COL15A1: variants seen among roughly 807,000 people sequenced by gnomAD.
COL15A1 encodes collagen type XV alpha 1 chain.
In COL15A1, 111 loss-of-function variants were observed where a neutral mutation model predicts 165.9. The ratio of observed to expected loss-of-function variants is 0.67; its 90% CI spans 0.57 to 0.78. The LOEUF (loss-of-function observed/expected upper bound fraction) is 0.78. Ranked by LOEUF, COL15A1 falls within the 30% of genes least tolerant of loss-of-function variation. The pLI is 0.00. For synonymous variants in COL15A1, 659 were observed against 674.8 expected, an observed-to-expected ratio of 0.98 and a Z score of 0.36; for missense variants, 1,745 against 1,789.7, an observed-to-expected ratio of 0.98 and a Z score of 0.45.
At chr9:99,001,599 C>A (rs550756624) in intron 7 of COL15A1, among the ~76,000 whole-genome samples, 1 of 152,254 alleles carries the variant, frequency 6.6e-6, no homozygotes, top group Admixed American at 6.5e-5. Context: ...CAGTTTCCCC[C>A]CTTCTATACT....
chr9:98,947,593 G>A (rs1837606245), intron 2 of COL15A1, among the ~76,000 whole-genome samples: 1 of 152,206 alleles, frequency 6.6e-6, no homozygotes, highest in Admixed American at 6.5e-5. Flanking sequence ...ATCTGGTGGG[G>A]CTTCAAGGTG....
At chr9:98,992,490 C>G (rs917433071) in intron 5 of COL15A1, among the ~76,000 whole-genome samples, 3 of 152,212 alleles carry the variant, frequency 2.0e-5, no homozygotes, top group Non-Finnish European at 2.9e-5. Context: ...ACGTCTCTCT[C>G]CACACCTCCC....
rs1838313756 is a variant in COL15A1, at chr9:98,986,381, A to G, written c.648+269A>G. Reference sequence around the variant, plus strand: ...TCTGTAAGTGGAGATAAGAAAACCTACCCCACAGTCTTGTAGGTCAAATAA... The same window carrying G: ...TCTGTAAGTGGAGATAAGAAAACCTGCCCCACAGTCTTGTAGGTCAAATAA... On this transcript the variant is annotated intron_variant, in intron 3 of 41. Coordinates refer to ENST00000375001, the MANE Select transcript of COL15A1 (RefSeq NM_001855.5). 7.5e-6 allele frequency: 3 copies of G among 401,526 alleles called. No individual in the cohort carries two copies. In the South Asian group the frequency reaches 1.1e-4, roughly 14 times the overall value. 24.9% of individuals were successfully genotyped at this position (401,526 alleles called of 1,614,324 possible).
chr9:99,005,754 A>G (rs62561248), intron 9 of COL15A1, among the ~76,000 whole-genome samples: 9,373 of 152,080 alleles, frequency 0.062, 389 homozygotes, highest in Non-Finnish European at 0.087. Flanking sequence ...TCCTCCTCCA[A>G]TGCTGGCCCC....
intron 2 of COL15A1, among the ~76,000 whole-genome samples, chr9:98,973,757 C>T (rs947302522): frequency 6.6e-6 from 1 of 152,330 alleles, no homozygotes; most frequent in East Asian, 1.9e-4. Context: ...GGGTTTGTCC[C>T]GGCCCCTGTT....
chr9:99,047,790 C>G lies in COL15A1; in HGVS notation c.2684C>G (p.Pro895Arg), dbSNP rs768401058. 6.2e-7 allele frequency: 1 copy of G among 1,614,074 alleles called. No individual in the cohort carries two copies. The highest frequency in any genetic ancestry group is 8.5e-7 in the Non-Finnish European group (1 of 1,179,992). ...GMHGAPGPMGPKGPPGHKGEF... is the reference protein window; with the variant it reads ...GMHGAPGPMGRKGPPGHKGEF... The stretch of plus-strand genomic sequence containing the variant: ...TGGCATTTGTTTTGCCTCTAGGGGC[C>G]CAAAGGACCACCAGGACATAAAGGA... Residue 895 changes from proline (P) to arginine (R), a missense_variant, in exon 27 of 42, where the codon CCC becomes CGC. Physicochemically the swap from Pro to Arg is moderately radical, Grantham distance 103. Coordinates refer to ENST00000375001, the MANE Select transcript of COL15A1 (RefSeq NM_001855.5).
chr9:98,990,138 C>T (rs977262480), intron 5 of COL15A1, among the ~76,000 whole-genome samples: 1 of 152,210 alleles, frequency 6.6e-6, no homozygotes, highest in African/African-American at 2.4e-5. Flanking sequence ...CAGAATAGAA[C>T]TAGACTCTGT....
intron 2 of COL15A1, among the ~76,000 whole-genome samples, chr9:98,954,410 A>G (rs1393892804): frequency 6.6e-6 from 1 of 152,202 alleles, no homozygotes; most frequent in Non-Finnish European, 1.5e-5. Flanking sequence ...ATATGAACAG[A>G]ACATTCTGTA....
At chr9:98,944,135 C>G in intron 1 of COL15A1, 27 bp from the exon 2 acceptor site, 1 of 1,614,152 alleles carries the variant, frequency 6.2e-7, no homozygotes, top group Non-Finnish European at 8.5e-7. Context: ...CCCGCCTCAC[C>G]TTTTCTCCCT....
intron 9 of COL15A1, among the ~76,000 whole-genome samples, chr9:99,007,089 T>C (rs1270988512): frequency 6.6e-6 from 1 of 152,168 alleles, no homozygotes; most frequent in Non-Finnish European, 1.5e-5. Context: ...CAACTCAAAG[T>C]AGGGAGGGGG....
At chr9:99,058,637 T>C (rs548827087) in intron 35 of COL15A1, among the ~76,000 whole-genome samples, 19 of 152,358 alleles carry the variant, frequency 1.2e-4, no homozygotes, top group African/African-American at 4.6e-4. Flanking sequence ...AACACTTTCA[T>C]GGCCATTATC....
chr9:99,027,321 T>A (rs1217817799), intron 16 of COL15A1, among the ~76,000 whole-genome samples: 2 of 152,198 alleles, frequency 1.3e-5, no homozygotes, highest in African/African-American at 4.8e-5. Context: ...GACACCACCA[T>A]CATCACTGAA....
intron 12 of COL15A1, among the ~76,000 whole-genome samples, chr9:99,020,773 G>A (rs1173070800): frequency 2.0e-5 from 3 of 152,146 alleles, no homozygotes; most frequent in East Asian, 3.8e-4. Context: ...TTCTGTGTCC[G>A]GGCTCTGGGC....
At chr9:99,017,558 G>A (rs1330338426) in intron 11 of COL15A1, among the ~76,000 whole-genome samples, 2 of 152,146 alleles carry the variant, frequency 1.3e-5, no homozygotes, top group African/African-American at 4.8e-5. Flanking sequence ...AGAGATGGCT[G>A]GGAAGCTTAA....
At chr9:98,950,353 A>T (rs1179600206) in intron 2 of COL15A1, among the ~76,000 whole-genome samples, 1 of 152,150 alleles carries the variant, frequency 6.6e-6, no homozygotes, top group Non-Finnish European at 1.5e-5. Context: ...GCTTGTTTTC[A>T]GTTTTTAAAA....
intron 2 of COL15A1, among the ~76,000 whole-genome samples, chr9:98,981,057 G>A (rs75008886): frequency 0.015 from 2,284 of 152,324 alleles, 135 homozygotes; most frequent in East Asian, 0.097. Context: ...AAGGGAGTCC[G>A]TGGCAGTATC....
intron 11 of COL15A1, among the ~76,000 whole-genome samples, chr9:99,020,017 GGACT>G (rs1838999302): frequency 1.3e-5 from 2 of 152,164 alleles, no homozygotes; most frequent in Non-Finnish European, 1.5e-5. Flanking sequence ...ACATTTCTAA[GGACT>G]GACTAATAGA....
Position 99,036,221 on chromosome 9 carries a change from C to A in COL15A1, c.2325+16C>A. On this transcript the variant is annotated intron_variant, in intron 20 of 41. Coordinates refer to ENST00000375001, the MANE Select transcript of COL15A1 (RefSeq NM_001855.5). ...GGGACCCAAGGTGAGGTCACAGAGC[C>A]AAGGTGGGGGTGGGAGGGCTTTCCA... The A allele has an allele frequency of 1.2e-6, 2 of 1,607,046 alleles. No homozygotes were observed. The highest frequency in any genetic ancestry group is 1.7e-6 in the Non-Finnish European group (2 of 1,174,612).
intron 6 of COL15A1, among the ~76,000 whole-genome samples, chr9:98,998,563 C>G (rs1343513323): frequency 6.6e-6 from 1 of 152,174 alleles, no homozygotes. Flanking sequence ...GATTCCTTAG[C>G]CGTCCTCTGG....
Sources: allele counts gnomAD v4.1 joint callset (sites outside exome capture counted in the v4.1 genomes callset), GRCh38; gene constraint gnomAD v4.1.1; transcripts MANE v1.5; gene names NCBI Gene and HGNC (gene_info 2026-07-23, HGNC 2026-07-21).